The following UGT3A1 variants were observed in gnomAD, a reference collection of about 807,000 sequenced individuals.
UGT3A1 encodes UDP-glycosyltransferase 3A1.
UGT3A1 carries 40 observed loss-of-function variants against 37.6 expected under a neutral mutation model. The ratio of observed to expected loss-of-function variants is 1.06; its 90% confidence interval spans 0.83 to 1.38. UGT3A1 has a LOEUF of 1.38. Among genes scored for constraint, UGT3A1 ranks in the 40% most tolerant of loss-of-function variants. The probability of loss-of-function intolerance (pLI) is 0.00; values close to 1 mark genes in which losing one functional copy is unlikely to be tolerated. For missense variants in UGT3A1, 642 were observed against 634.2 expected, an observed-to-expected ratio of 1.01 and a Z score of -0.13; for synonymous variants, 256 against 232.3, an observed-to-expected ratio of 1.10 and a Z score of -0.93.
chr5:35,959,061 C>G (rs1739473329), intron 4 of UGT3A1, among the ~76,000 whole-genome samples: 1 of 152,070 alleles, frequency 6.6e-6, no homozygotes, highest in Non-Finnish European at 1.5e-5. Flanking sequence ...AGAGTCTGGG[C>G]GAGGTTCATT....
At chr5:35,982,091 C>A (rs1482891967) in intron 2 of UGT3A1, among the ~76,000 whole-genome samples, 1 of 152,254 alleles carries the variant, frequency 6.6e-6, no homozygotes, top group Non-Finnish European at 1.5e-5. Flanking sequence ...GAAGCCTCCA[C>A]CTAGTTTTCA....
rs894742328 is a variant in UGT3A1, at chr5:35,954,413, C to T, written c.1361G>A (p.Arg454Gln). 22 of 1,614,074 alleles carry T rather than the reference C, an allele frequency of 1.4e-5. No individual in the cohort carries two copies. In the African/African-American group the frequency reaches 1.9e-4, roughly 14 times the overall value. Residue 454 changes from arginine (R) to glutamine (Q), a missense_variant, in exon 7 of 7, where the codon CGG becomes CAG. Coordinates refer to ENST00000274278, the MANE Select transcript of UGT3A1 (RefSeq NM_152404.4). ...GATGTGGTCGATCCAGCCCACCAGCCGCTGTGCGGGGCTCAGGGGCTGAGA... is the reference window on the plus strand; with the variant it reads ...GATGTGGTCGATCCAGCCCACCAGCTGCTGTGCGGGGCTCAGGGGCTGAGA... Reference protein sequence around the residue: ...LHSQPLSPAQRLVGWIDHILQ... With the variant: ...LHSQPLSPAQQLVGWIDHILQ...
chr5:35,987,461 T>C (rs1246983351), intron 2 of UGT3A1, among the ~76,000 whole-genome samples: 2 of 152,170 alleles, frequency 1.3e-5, no homozygotes, highest in African/African-American at 4.8e-5. Context: ...AGTGGGTCTA[T>C]AGCTTTCAGC....
chr5:35,967,905 T>C, intron 3 of UGT3A1, 114 bp downstream of exon 3: 1 of 762,544 alleles, frequency 1.3e-6, no homozygotes, highest in Non-Finnish European at 2.2e-6. Context: ...TCTCCATCTA[T>C]CCATCACCCA....
intron 2 of UGT3A1, among the ~76,000 whole-genome samples, chr5:35,983,553 A>G (rs925566984): frequency 3.3e-5 from 5 of 152,200 alleles, no homozygotes; most frequent in African/African-American, 4.8e-5. Flanking sequence ...CTATAGGGCC[A>G]GCCATACTCT....
At chr5:35,996,489 A>T (rs1013713473) in intron 2 of UGT3A1, among the ~76,000 whole-genome samples, 1 of 152,162 alleles carries the variant, frequency 6.6e-6, no homozygotes, top group African/African-American at 2.4e-5. Flanking sequence ...CAAAACTTGT[A>T]CCTTATCATT....
At chr5:35,991,470 T>C, upstream of UGT3A1, 4 of 1,361,100 alleles carry the variant, frequency 2.9e-6, no homozygotes, top group South Asian at 5.6e-5. Flanking sequence ...TCAAACTACC[T>C]GAAGTCAGTA....
chr5:35,965,281 C>G, intron 4 of UGT3A1, 105 bp downstream of exon 4: 1 of 1,505,636 alleles, frequency 6.6e-7, no homozygotes, highest in East Asian at 2.3e-5. Flanking sequence ...CCTCCTTTGC[C>G]AATCCCTACT....
At chr5:35,977,148 A>G (rs1334824303) in intron 2 of UGT3A1, among the ~76,000 whole-genome samples, 1 of 151,632 alleles carries the variant, frequency 6.6e-6, no homozygotes, top group Non-Finnish European at 1.5e-5. Context: ...AGAAGGAAGG[A>G]AGGAAGAGAA....
At chr5:35,973,620 G>A (rs908368139) in intron 2 of UGT3A1, among the ~76,000 whole-genome samples, 7 of 152,162 alleles carry the variant, frequency 4.6e-5, no homozygotes, top group African/African-American at 1.7e-4. Context: ...GTGCAGGAAG[G>A]AAACAGAAAA....
At chr5:35,985,153 A>G (rs982459606) in intron 2 of UGT3A1, among the ~76,000 whole-genome samples, 2 of 151,540 alleles carry the variant, frequency 1.3e-5, no homozygotes, top group Admixed American at 1.3e-4. Context: ...CAATTTAACA[A>G]AAGATGTAAA....
At chr5:35,988,996 T>C (rs1389980815) in intron 1 of UGT3A1, among the ~76,000 whole-genome samples, 2 of 152,200 alleles carry the variant, frequency 1.3e-5, no homozygotes, top group Admixed American at 6.5e-5. Flanking sequence ...GGGCAATCAG[T>C]CAGAGCTATC....
At chr5:35,990,655 G>A (rs570294681) in intron 1 of UGT3A1, among the ~76,000 whole-genome samples, 4 of 152,052 alleles carry the variant, frequency 2.6e-5, no homozygotes, top group African/African-American at 7.2e-5. Context: ...ACCTGCCTGC[G>A]CCACCCTGGC....
chr5:35,989,329 G>A (rs372438751), intron 1 of UGT3A1, among the ~76,000 whole-genome samples: 18 of 152,280 alleles, frequency 1.2e-4, no homozygotes, highest in African/African-American at 4.3e-4. Context: ...GTTTTATCAC[G>A]TTAATATCTT....
chr5:35,981,321 G>A (rs1740512847), intron 2 of UGT3A1, among the ~76,000 whole-genome samples: 1 of 152,136 alleles, frequency 6.6e-6, no homozygotes, highest in Non-Finnish European at 1.5e-5. Context: ...GAATGAGACA[G>A]TTCCAAGGGC....
chr5:35,973,236 T>C (rs573706883), intron 2 of UGT3A1, among the ~76,000 whole-genome samples: 2 of 152,318 alleles, frequency 1.3e-5, no homozygotes, highest in Non-Finnish European at 2.9e-5. Context: ...GCATCCCTCT[T>C]TATTTTTAGA....
chr5:35,997,547 C>A (rs1741126147), intron 1 of UGT3A1, among the ~76,000 whole-genome samples: 2 of 152,138 alleles, frequency 1.3e-5, no homozygotes. Context: ...CTACTTCAGC[C>A]TCCAGAGTAG....
chr5:35,973,414 T>C (rs990671227), intron 2 of UGT3A1, among the ~76,000 whole-genome samples: 4 of 152,164 alleles, frequency 2.6e-5, no homozygotes, highest in Admixed American at 6.5e-5. Flanking sequence ...AATTTATTGA[T>C]ATGAGGCCAC....
At position 35,951,391 on chromosome 5, in the gene UGT3A1, C is replaced by T. The variant is rs898523926; in HGVS notation, c.*2811G>A. 6.6e-6 allele frequency: 1 copy of T among 152,116 alleles called. No individual in the cohort carries two copies. The highest frequency in any genetic ancestry group is 1.5e-5 in the Non-Finnish European group (1 of 67,986). 9.4% of individuals were successfully genotyped at this position (152,116 alleles called of 1,614,324 possible). ...TTTTTCATTATCCCCCATACACATA[C>T]TTTCCTTTTTCTTATAAAAAAAAGG... On this transcript the variant is annotated 3_prime_UTR_variant, in exon 7 of 7. Coordinates refer to ENST00000274278, the MANE Select transcript of UGT3A1 (RefSeq NM_152404.4).
Sources: gnomAD v4.1 joint callset for allele counts (sites outside exome capture counted in the v4.1 genomes callset) on GRCh38, gnomAD v4.1.1 for gene constraint, MANE v1.5 for transcripts, NCBI Gene and HGNC (gene_info 2026-07-23, HGNC 2026-07-21) for gene names.